Variants in APBA1 observed in about 807,000 individuals in gnomAD.
APBA1 encodes amyloid beta precursor protein binding family A member 1.
Under a neutral mutation model 86.6 loss-of-function variants are expected in APBA1, and 55 were observed. That is an observed-to-expected ratio of 0.64 (90% confidence interval 0.51 to 0.80). The LOEUF is 0.80. Among genes scored for constraint, APBA1 ranks in the 30% least tolerant of loss-of-function variants. The pLI is 0.00. For synonymous variants in APBA1, 511 were observed against 493.9 expected, an observed-to-expected ratio of 1.03 and a Z score of -0.46; for missense variants, 1,090 against 1,183.0, an observed-to-expected ratio of 0.92 and a Z score of 1.15.
At chr9:69,618,120 G>A (rs751420207) in intron 1 of APBA1, among the ~76,000 whole-genome samples, 49 of 152,256 alleles carry the variant, frequency 3.2e-4, no homozygotes, top group Admixed American at 7.9e-4. Flanking sequence ...GGATAATGGC[G>A]CCATGCAAGT....
In APBA1 at chr9:69,452,976, A is replaced by G. The variant is rs547278536; in HGVS notation, c.1789-675T>C. On this transcript the variant is annotated intron_variant, in intron 8 of 12. Transcript: ENST00000265381. The stretch of plus-strand genomic sequence containing the variant: ...ATTTGGCCCTCAATTTGAAATGTCA[A>G]CTGGAAAGTTTATGATATCCCACTG... Among the ~76,000 whole-genome samples, 12 of 152,358 alleles carry G rather than the reference A, an allele frequency of 7.9e-5. No homozygotes were observed. In the East Asian group the frequency reaches 1.9e-3, roughly 24 times the overall value.
chr9:69,469,650 G>A (rs1374517537), intron 4 of APBA1, among the ~76,000 whole-genome samples: 1 of 152,192 alleles, frequency 6.6e-6, no homozygotes, highest in Non-Finnish European at 1.5e-5. Context: ...ATCTTTTATA[G>A]ATGTGAGATG....
In APBA1 at chr9:69,452,443, C is replaced by G; in HGVS notation, c.1789-142G>C. The G allele has an allele frequency of 1.3e-5, 10 of 751,532 alleles. No homozygotes were observed. The South Asian group carries it at 1.9e-4, about 15-fold the overall frequency. 46.6% of individuals were successfully genotyped at this position (751,532 alleles called of 1,614,324 possible). On this transcript the variant is annotated intron_variant, in intron 8 of 12. Coordinates refer to ENST00000265381, the MANE Select transcript of APBA1 (RefSeq NM_001163.4). The stretch of plus-strand genomic sequence containing the variant: ...CACGCCTGCTGGGCCAGTGGTTCTA[C>G]GTGGGGCTACCAGTGCCCACCAGGG...
At chr9:69,606,732 T>C (rs937747664) in intron 1 of APBA1, among the ~76,000 whole-genome samples, 1 of 152,034 alleles carries the variant, frequency 6.6e-6, no homozygotes, top group African/African-American at 2.4e-5. Flanking sequence ...GACCTCGTGA[T>C]GCGCACGCCT....
Position 69,431,375 on chromosome 9 carries a change from G to T in APBA1, c.2466C>A (p.Ala822=). Residue 822 remains alanine, a synonymous_variant, in exon 13 of 13, where the codon GCC becomes GCA. Coordinates refer to ENST00000265381, the MANE Select transcript of APBA1 (RefSeq NM_001163.4). ...GGGCCGTCAGCAGCCTGTACATCGC[G>T]GCTGGCATTGTCTTCATATGAATCT... ...VGEIHMKTMP[A]AMYRLLTAQE... 6.2e-7 allele frequency: 1 copy of T among 1,613,282 alleles called. No homozygotes were observed. Among genetic ancestry groups the T allele is most frequent in the Non-Finnish European group, 8.5e-7 (1 of 1,179,634 alleles).
At chr9:69,512,203 C>T (rs562766332) in intron 2 of APBA1, among the ~76,000 whole-genome samples, 1 of 152,006 alleles carries the variant, frequency 6.6e-6, no homozygotes, top group African/African-American at 2.4e-5. Flanking sequence ...AAGTGAAACT[C>T]CTTACTAGAA....
intron 2 of APBA1, among the ~76,000 whole-genome samples, chr9:69,499,046 T>G (rs906708272): frequency 2.6e-5 from 4 of 152,170 alleles, no homozygotes; most frequent in Admixed American, 2.0e-4. Context: ...TCTAAGGTTA[T>G]GCTTCTGAAT....
intron 11 of APBA1, among the ~76,000 whole-genome samples, 196 bp from the exon 12 acceptor site, chr9:69,432,872 T>A (rs1371557192): frequency 6.6e-6 from 1 of 152,226 alleles, no homozygotes; most frequent in Admixed American, 6.5e-5. Context: ...ACCTTGTTCA[T>A]GCGGCTTGCA....
chr9:69,664,991 C>A (rs1379253893), intron 1 of APBA1, among the ~76,000 whole-genome samples: 1 of 152,224 alleles, frequency 6.6e-6, no homozygotes, highest in African/African-American at 2.4e-5. Context: ...CTGAGTTCAG[C>A]TATAGCTGTA....
At chr9:69,452,096 G>A (rs1211737154) in intron 9 of APBA1, 26 bp downstream of exon 9, 3 of 1,607,346 alleles carry the variant, frequency 1.9e-6, no homozygotes, top group Admixed American at 1.7e-5. Context: ...ACCCAGCCTG[G>A]AGAACAGCTT....
chr9:69,435,268 T>C (rs1027146695), intron 11 of APBA1, among the ~76,000 whole-genome samples: 1 of 152,168 alleles, frequency 6.6e-6, no homozygotes, highest in African/African-American at 2.4e-5. Context: ...TGTGCATGTG[T>C]CTTTGCAGCA....
intron 2 of APBA1, among the ~76,000 whole-genome samples, chr9:69,489,049 T>G (rs1052159210): frequency 6.6e-6 from 1 of 152,062 alleles, no homozygotes; most frequent in Non-Finnish European, 1.5e-5. Flanking sequence ...AAAATGGCCA[T>G]ACTGCCCAAG....
intron 1 of APBA1, among the ~76,000 whole-genome samples, chr9:69,641,845 T>A (rs1175975890): frequency 6.6e-6 from 1 of 152,186 alleles, no homozygotes; most frequent in Non-Finnish European, 1.5e-5. Context: ...TCCTTTTATT[T>A]TTTATTTATT....
chr9:69,471,803 C>G (rs1835370539), intron 3 of APBA1, 108 bp from the exon 4 acceptor site: 1 of 838,838 alleles, frequency 1.2e-6, no homozygotes, highest in Admixed American at 2.4e-5. Context: ...GTGGCAGTTA[C>G]CAATTATTGA....
At chr9:69,549,214 G>A (rs2133926356) in intron 1 of APBA1, among the ~76,000 whole-genome samples, 1 of 152,278 alleles carries the variant, frequency 6.6e-6, no homozygotes, top group Non-Finnish European at 1.5e-5. Flanking sequence ...CATCTCTAAA[G>A]CAAAGGACAG....
At position 69,653,216 on chromosome 9, in the gene APBA1, G is replaced by C. The variant is rs569020052; in HGVS notation, c.-70+18937C>G. Among the ~76,000 whole-genome samples, 22 of 152,136 alleles carry C rather than the reference G, an allele frequency of 1.4e-4. No individual in the cohort carries two copies. The East Asian group carries it at 3.9e-3, about 27-fold the overall frequency. On this transcript the variant is annotated intron_variant, in intron 1 of 12. Transcript: ENST00000265381. ...AGAATGGCTTAAAGACAAAAAAAAGGCCATTATATAATGATAAAGTGGCCA... is the reference window on the plus strand; with the variant it reads ...AGAATGGCTTAAAGACAAAAAAAAGCCCATTATATAATGATAAAGTGGCCA...
rs1237355853 is a variant in APBA1 at position 69,432,684 on chromosome 9, A to G, written c.2302-8T>C. 1 of 1,559,238 alleles carries G rather than the reference A, an allele frequency of 6.4e-7. No homozygotes were observed. Among genetic ancestry groups the G allele is most frequent in the Non-Finnish European group, 8.6e-7 (1 of 1,156,856 alleles). ...TCGCATGAGGCTGCAGATCTGCCAG[A>G]GTCAAAGGCAGAGTTACCCTCATTG... On this transcript the variant is annotated splice_region_variant and splice_polypyrimidine_tract_variant and intron_variant, in intron 11 of 12. Coordinates refer to ENST00000265381, the MANE Select transcript of APBA1 (RefSeq NM_001163.4).
intron 1 of APBA1, among the ~76,000 whole-genome samples, chr9:69,574,929 TA>T (rs749019341): frequency 4.6e-5 from 7 of 152,114 alleles, no homozygotes; most frequent in Non-Finnish European, 1.0e-4. Context: ...CAATTATTAT[TA>T]TTGTGACAGG....
intron 1 of APBA1, among the ~76,000 whole-genome samples, chr9:69,655,908 G>A (rs1026966304): frequency 1.3e-4 from 20 of 152,076 alleles, no homozygotes; most frequent in African/African-American, 3.4e-4. Flanking sequence ...GAAAGTTATC[G>A]CCACAAAGAA....
Sources: gnomAD v4.1 joint callset for allele counts (sites outside exome capture counted in the v4.1 genomes callset) on GRCh38, gnomAD v4.1.1 for gene constraint, MANE v1.5 for transcripts, NCBI Gene and HGNC (gene_info 2026-07-23, HGNC 2026-07-21) for gene names.